Variants in EGFR observed in about 807,000 individuals in gnomAD.
The protein encoded by EGFR is epidermal growth factor receptor.
EGFR carries 58 observed loss-of-function variants against 143.0 expected under a neutral mutation model. The observed-to-expected ratio is 0.41, with a 90% CI of 0.33 to 0.50. The LOEUF (loss-of-function observed/expected upper bound fraction) is 0.50. Among genes scored for constraint, EGFR ranks in the 20% least tolerant of loss-of-function variants. The probability of loss-of-function intolerance (pLI) is 0.39; values close to 1 mark genes in which losing one functional copy is unlikely to be tolerated. For synonymous variants in EGFR, 613 were observed against 594.4 expected (o/e 1.03, Z -0.45); for missense variants, 1,307 against 1,579.0 (o/e 0.83, Z 2.92).
intron 1 of EGFR, among the ~76,000 whole-genome samples, chr7:55,028,210 A>G (rs1267073597): frequency 1.3e-5 from 2 of 151,944 alleles, no homozygotes; most frequent in Non-Finnish European, 2.9e-5. Flanking sequence ...CGTTTTACTT[A>G]TGATGTCATT....
intron 1 of EGFR, among the ~76,000 whole-genome samples, chr7:55,064,191 A>G (rs1789364718): frequency 6.6e-6 from 1 of 152,242 alleles, no homozygotes; most frequent in African/African-American, 2.4e-5. Flanking sequence ...TTATAGATTA[A>G]TGCTTAAAAA....
At chr7:55,086,900 A>G (rs896960877) in intron 1 of EGFR, among the ~76,000 whole-genome samples, 1 of 152,008 alleles carries the variant, frequency 6.6e-6, no homozygotes, top group Non-Finnish European at 1.5e-5. Context: ...CACGCTCTGC[A>G]TCTCTCATTG....
intron 19 of EGFR, 95 bp downstream of exon 19, chr7:55,174,915 C>T (rs1447548355): frequency 2.1e-6 from 2 of 933,086 alleles, no homozygotes; most frequent in East Asian, 2.5e-5. Context: ...AGACCCTGCT[C>T]ATCTCCACAT....
intron 21 of EGFR, 119 bp from the exon 22 acceptor site, chr7:55,192,647 C>T (rs1787449984): frequency 2.2e-6 from 2 of 913,386 alleles, no homozygotes; most frequent in East Asian, 2.5e-5. Context: ...GGGGACGGGT[C>T]CTGGGGTGAT....
intron 7 of EGFR, among the ~76,000 whole-genome samples, 181 bp from the exon 8 acceptor site, chr7:55,155,649 T>C (rs903628950): frequency 6.6e-6 from 1 of 152,216 alleles, no homozygotes; most frequent in African/African-American, 2.4e-5. Context: ...TAGAATGTTA[T>C]TAAACTCTTG....
At chr7:55,151,638 G>A (rs1489666438) in intron 5 of EGFR, among the ~76,000 whole-genome samples, 1 of 152,232 alleles carries the variant, frequency 6.6e-6, no homozygotes, top group African/African-American at 2.4e-5. Flanking sequence ...CACTTTGGGA[G>A]GCGGAGGCGG....
At chr7:55,201,132 G>T (rs2128971353) in intron 24 of EGFR, 56 bp from the exon 25 acceptor site, 1 of 1,611,568 alleles carries the variant, frequency 6.2e-7, no homozygotes, top group Non-Finnish European at 8.5e-7. Flanking sequence ...CTATAGCCAA[G>T]AAGTGGAATA....
At chr7:55,046,777 C>G (rs557975773) in intron 1 of EGFR, among the ~76,000 whole-genome samples, 3 of 152,148 alleles carry the variant, frequency 2.0e-5, no homozygotes, top group Admixed American at 2.0e-4. Context: ...ATTCAGATCA[C>G]CTCTTAAGGC....
intron 22 of EGFR, among the ~76,000 whole-genome samples, chr7:55,198,187 T>C (rs1489766217): frequency 6.6e-6 from 1 of 152,242 alleles, no homozygotes; most frequent in Non-Finnish European, 1.5e-5. Flanking sequence ...AGCTCATTAT[T>C]GGTCTGTTCA....
rs28384374 is a variant in EGFR, at chr7:55,165,449, G to A, written c.1880+12G>A. The A allele has an allele frequency of 6.2e-7, 1 of 1,605,158 alleles. No individual in the cohort carries two copies. Among genetic ancestry groups the A allele is most frequent in the Non-Finnish European group, 8.5e-7 (1 of 1,173,896 alleles). ...AACTGCACCTACGGGTGAGTGGAAA[G>A]TGAAGGAGAACAGAACATTTCCTCT... On this transcript the variant is annotated intron_variant, in intron 15 of 27. Coordinates refer to ENST00000275493, the MANE Select transcript of EGFR (RefSeq NM_005228.5).
chr7:55,163,591 A>T, intron 13 of EGFR, 142 bp from the exon 14 acceptor site: 1 of 715,530 alleles, frequency 1.4e-6, no homozygotes, highest in South Asian at 1.5e-5. Context: ...TAACAAAATC[A>T]GCTGATTATA....
intron 4 of EGFR, among the ~76,000 whole-genome samples, chr7:55,147,760 T>G (rs903626112): frequency 6.6e-6 from 1 of 152,220 alleles, no homozygotes; most frequent in Non-Finnish European, 1.5e-5. Context: ...CTCTACCCAT[T>G]AGACAGTAAC....
At chr7:55,048,172 C>G (rs922047842) in intron 1 of EGFR, among the ~76,000 whole-genome samples, 1 of 152,018 alleles carries the variant, frequency 6.6e-6, no homozygotes, top group Non-Finnish European at 1.5e-5. Flanking sequence ...CTTAGACCCC[C>G]CCTCGGTTTG....
chr7:55,153,873 CCA>C lies in EGFR; in HGVS notation c.748-134_748-133del, dbSNP rs1177949042. The C allele has an allele frequency of 1.2e-5, 17 of 1,367,914 alleles. No individual in the cohort carries two copies. The East Asian group carries it at 3.7e-4, about 30-fold the overall frequency. The allele number at this position is 1,367,914 out of a possible 1,614,324, so 84.7% of individuals were successfully genotyped here. ...TGCAGAGGGCGCCAGCTGGGTTTTC[CCA>C]CACTAGTGGAACACTAGGCTGCAAA... On this transcript the variant is annotated intron_variant, in intron 6 of 27. Coordinates refer to ENST00000275493, the MANE Select transcript of EGFR (RefSeq NM_005228.5).
chr7:55,116,884 G>C (rs1256401923), intron 1 of EGFR, among the ~76,000 whole-genome samples: 1 of 152,188 alleles, frequency 6.6e-6, no homozygotes, highest in Admixed American at 6.5e-5. Flanking sequence ...ATACCACACT[G>C]CGTTCGTCCA....
intron 1 of EGFR, among the ~76,000 whole-genome samples, chr7:55,021,175 C>T (rs369325217): frequency 1.3e-5 from 2 of 152,138 alleles, no homozygotes; most frequent in Non-Finnish European, 2.9e-5. Context: ...TAAAGGATTC[C>T]GCTTTTCATT....
intron 1 of EGFR, among the ~76,000 whole-genome samples, chr7:55,076,981 A>G (rs959288848): frequency 6.6e-6 from 1 of 151,882 alleles, no homozygotes; most frequent in Non-Finnish European, 1.5e-5. Context: ...AACTGAGTTC[A>G]CTACAGTCAT....
intron 17 of EGFR, among the ~76,000 whole-genome samples, chr7:55,173,445 C>T (rs929344569): frequency 1.3e-5 from 2 of 152,216 alleles, no homozygotes; most frequent in East Asian, 1.9e-4. Flanking sequence ...GTGGCGAAGG[C>T]GAGAGATTCC....
chr7:55,032,791 A>G (rs1160838249), intron 1 of EGFR, among the ~76,000 whole-genome samples: 1 of 152,222 alleles, frequency 6.6e-6, no homozygotes, highest in Non-Finnish European at 1.5e-5. Flanking sequence ...TAGAATATAT[A>G]TGTCATTTAT....
Sources: gnomAD v4.1 joint callset for allele counts (sites outside exome capture counted in the v4.1 genomes callset) on GRCh38, gnomAD v4.1.1 for gene constraint, MANE v1.5 for transcripts, NCBI Gene and HGNC (gene_info 2026-07-23, HGNC 2026-07-21) for gene names.